The following SARAF variants were observed in gnomAD, a reference collection of about 807,000 sequenced individuals.
SARAF encodes store-operated calcium entry associated regulatory factor.
In SARAF, 23 loss-of-function variants were observed where a neutral mutation model predicts 39.7. That is an observed-to-expected ratio of 0.58 (90% CI 0.42 to 0.82). The LOEUF (loss-of-function observed/expected upper bound fraction) is 0.82. SARAF is among the 40% of genes least tolerant of loss of function. The probability of loss-of-function intolerance (pLI) is 0.00; values close to 1 mark genes in which losing one functional copy is unlikely to be tolerated. For synonymous variants in SARAF, 175 were observed against 168.5 expected, an observed-to-expected ratio of 1.04 and a Z score of -0.30; for missense variants, 384 against 418.5, an observed-to-expected ratio of 0.92 and a Z score of 0.72.
chr8:30,077,409 T>C (rs1039703796), intron 1 of SARAF, among the ~76,000 whole-genome samples: 8 of 152,052 alleles, frequency 5.3e-5, no homozygotes, highest in Non-Finnish European at 8.8e-5. Context: ...CAGTGAGCCA[T>C]GCACTCCAGC....
intron 3 of SARAF, among the ~76,000 whole-genome samples, chr8:30,068,649 G>T (rs570786959): frequency 4.7e-5 from 7 of 149,472 alleles, no homozygotes; most frequent in Non-Finnish European, 1.0e-4. Flanking sequence ...GGGGACTGGT[G>T]AAGTAGATGT....
At chr8:30,075,985 A>AAAAAAAAAAAAAAAAAAAAAAAAAAAGGG (rs1801951444) in intron 1 of SARAF, among the ~76,000 whole-genome samples, 1 of 113,666 alleles carries the variant, frequency 8.8e-6, no homozygotes, top group Non-Finnish European at 1.9e-5. Flanking sequence ...AATCCCTAAA[A>AAAAAAAAAAAAAAAAAAAAAAAAAAAGGG]AAAAACAAAA....
chr8:30,077,955 T>C (rs1339802722), intron 1 of SARAF, among the ~76,000 whole-genome samples: 2 of 148,280 alleles, frequency 1.3e-5, no homozygotes, highest in Non-Finnish European at 3.0e-5. Context: ...GTCTGGCAAA[T>C]ATGGTGAAAC....
intron 4 of SARAF, 60 bp downstream of exon 4, chr8:30,066,716 AT>A: frequency 6.4e-7 from 1 of 1,571,666 alleles, no homozygotes; most frequent in Admixed American, 1.7e-5. Context: ...ATGCAGTTAA[AT>A]TGTAAGCAAA....
At chr8:30,082,450 T>C (rs1480645187) in intron 1 of SARAF, 15 of 167,652 alleles carry the variant, frequency 8.9e-5, no homozygotes, top group African/African-American at 1.4e-4. Flanking sequence ...CGGCCGGCGA[T>C]AGCAACAGGC....
At chr8:30,067,828 T>C (rs565518250) in intron 3 of SARAF, among the ~76,000 whole-genome samples, 1 of 152,368 alleles carries the variant, frequency 6.6e-6, no homozygotes, top group African/African-American at 2.4e-5. Context: ...TGAACATTCC[T>C]GTGCATCTTT....
intron 1 of SARAF, chr8:30,078,284 T>A (rs1253220088): frequency 5.9e-5 from 26 of 441,746 alleles, no homozygotes; most frequent in African/African-American, 1.0e-4. Flanking sequence ...GGAATCTGAT[T>A]AGACAAACTC....
At chr8:30,072,729 T>C (rs75176483) in intron 2 of SARAF, among the ~76,000 whole-genome samples, 10 of 152,338 alleles carry the variant, frequency 6.6e-5, no homozygotes, top group Middle Eastern at 3.4e-3. Flanking sequence ...CCTTTGCTCA[T>C]GCTATTCCCT....
chr8:30,064,561 A>ATATATATATATATTTTTTTT (rs1423689069), intron 5 of SARAF, among the ~76,000 whole-genome samples: 1 of 46,230 alleles, frequency 2.2e-5, no homozygotes, highest in Non-Finnish European at 3.4e-5. Context: ...ATATATATAT[A>ATATATATATATATTTTTTTT]TTTTTTTTTT....
chr8:30,082,701 A>G (rs1585449982), intron 1 of SARAF, 146 bp downstream of exon 1: 2 of 580,966 alleles, frequency 3.4e-6, no homozygotes, highest in East Asian at 3.5e-5. Flanking sequence ...AACCAGGGAG[A>G]GCACGAACAG....
chr8:30,073,825 A>C, intron 2 of SARAF, 52 bp downstream of exon 2: 2 of 1,530,590 alleles, frequency 1.3e-6, no homozygotes, highest in Non-Finnish European at 1.8e-6. Context: ...CCAATAAACA[A>C]TTTACTGAAT....
At chr8:30,070,939 C>T (rs1563353930) in intron 2 of SARAF, among the ~76,000 whole-genome samples, 1 of 152,062 alleles carries the variant, frequency 6.6e-6, no homozygotes, top group Non-Finnish European at 1.5e-5. Flanking sequence ...CAAAAAGAAC[C>T]CAGGCTAGCC....
Position 30,083,050 on chromosome 8 carries a change from G to C in SARAF, c.-101C>G. The C allele has an allele frequency of 2.3e-6, 2 of 877,144 alleles. No homozygotes were observed. The highest frequency in any genetic ancestry group is 3.7e-5 in the South Asian group (2 of 53,392). The allele number at this position is 877,144 out of a possible 1,614,324, so 54.3% of individuals were successfully genotyped here. On this transcript the variant is annotated 5_prime_UTR_variant, in exon 1 of 6. Coordinates refer to ENST00000256255, the MANE Select transcript of SARAF (RefSeq NM_016127.6). ...GCGCAGCTACACCGCTACCCCTGGC[G>C]GCGGCGAAGGAACGGCCCGACTGCA... is the stretch of plus-strand genomic sequence containing the variant.
intron 2 of SARAF, among the ~76,000 whole-genome samples, 179 bp from the exon 3 acceptor site, chr8:30,070,238 T>C (rs1172282703): frequency 6.6e-6 from 1 of 152,128 alleles, no homozygotes; most frequent in Non-Finnish European, 1.5e-5. Flanking sequence ...TGAAACCCCA[T>C]CTTTATTAAA....
At chr8:30,067,476 T>C (rs566772188) in intron 3 of SARAF, among the ~76,000 whole-genome samples, 36 of 152,326 alleles carry the variant, frequency 2.4e-4, no homozygotes, top group African/African-American at 8.2e-4. Flanking sequence ...TACCTATCCA[T>C]GTAACCACCA....
intron 3 of SARAF, among the ~76,000 whole-genome samples, chr8:30,067,935 C>T (rs1226967180): frequency 1.3e-5 from 2 of 152,172 alleles, no homozygotes; most frequent in African/African-American, 4.8e-5. Flanking sequence ...CTCCTACCGG[C>T]AAAGTATGAA....
chr8:30,069,019 A>T (rs1304749235), intron 3 of SARAF, among the ~76,000 whole-genome samples: 1 of 152,134 alleles, frequency 6.6e-6, no homozygotes, highest in East Asian at 1.9e-4. Context: ...GTTGAGATTT[A>T]TAATACTTAA....
chr8:30,079,064 G>A (rs1802039467), intron 1 of SARAF, among the ~76,000 whole-genome samples: 1 of 151,102 alleles, frequency 6.6e-6, no homozygotes, highest in Admixed American at 6.6e-5. Context: ...GGCTGAGGCA[G>A]GAGAATCACT....
At chr8:30,074,730 A>T (rs545650228) in intron 1 of SARAF, among the ~76,000 whole-genome samples, 8 of 152,314 alleles carry the variant, frequency 5.3e-5, no homozygotes, top group African/African-American at 1.9e-4. Context: ...AGAGAGAAAG[A>T]AAAGAGATTT....
Sources: gnomAD v4.1 joint callset for allele counts (sites outside exome capture counted in the v4.1 genomes callset) on GRCh38, gnomAD v4.1.1 for gene constraint, MANE v1.5 for transcripts, NCBI Gene and HGNC (gene_info 2026-07-23, HGNC 2026-07-21) for gene names.